CDC14A: variants seen among roughly 807,000 people sequenced by gnomAD.
The protein encoded by CDC14A is cell division cycle 14A.
In CDC14A, 53 loss-of-function variants were observed where a neutral mutation model predicts 74.4. The ratio of observed to expected loss-of-function variants is 0.71; its 90% CI spans 0.57 to 0.89. CDC14A has a LOEUF of 0.89. CDC14A is among the 40% of genes least tolerant of loss of function. CDC14A has a pLI of 0.00. For missense variants in CDC14A, 646 were observed against 713.7 expected, an observed-to-expected ratio of 0.91 and a Z score of 1.08; for synonymous variants, 247 against 258.4, an observed-to-expected ratio of 0.96 and a Z score of 0.43.
rs551102944 is a variant in CDC14A at position 100,475,376 on chromosome 1, C to T, written c.977+7282C>T. Among the ~76,000 whole-genome samples, 4 of 152,310 alleles carry T rather than the reference C, an allele frequency of 2.6e-5. No homozygotes were observed. The South Asian group carries it at 8.3e-4, about 32-fold the overall frequency. ...TTAAATCTTTGTCAAATTATTCTAA[C>T]ATCTCTGTCATCTTGGTGTTGGCAT... On this transcript the variant is annotated intron_variant, in intron 10 of 15. Transcript: ENST00000336454.
intron 2 of CDC14A, among the ~76,000 whole-genome samples, chr1:100,368,677 G>T (rs1284737936): frequency 6.6e-6 from 1 of 152,166 alleles, no homozygotes; most frequent in Non-Finnish European, 1.5e-5. Context: ...GGGTATAAAT[G>T]ATCCTGTCAC....
intron 1 of CDC14A, among the ~76,000 whole-genome samples, chr1:100,347,037 T>C (rs999681785): frequency 3.3e-5 from 5 of 152,238 alleles, no homozygotes. Context: ...ATTCGGAGAT[T>C]ATTTCAATAT....
intron 7 of CDC14A, among the ~76,000 whole-genome samples, chr1:100,450,646 G>C (rs989974189): frequency 9.9e-5 from 15 of 152,162 alleles, no homozygotes; most frequent in Non-Finnish European, 4.4e-5. Context: ...CACCGCAACT[G>C]CAAAAGTGAG....
chr1:100,478,412 G>A (rs984325233), intron 10 of CDC14A, among the ~76,000 whole-genome samples: 4 of 152,050 alleles, frequency 2.6e-5, no homozygotes, highest in African/African-American at 9.7e-5. Flanking sequence ...AGATCTATCT[G>A]TGACAGATAA....
chr1:100,459,120 CACACACAGAGAG>C (rs1376425979), intron 8 of CDC14A, among the ~76,000 whole-genome samples: 1 of 148,604 alleles, frequency 6.7e-6, no homozygotes, highest in Non-Finnish European at 1.5e-5. Flanking sequence ...CACACACACA[CACACACAGAGAG>C]AGAGAGAGAG....
chr1:100,484,393 A>G lies in CDC14A; in HGVS notation c.1079A>G (p.Asp360Gly), dbSNP rs200115410. ...GSINKILSGL[D>G]DMSIGGNLSK... ...ATTAATAAAATTCTTTCTGGCCTAG[A>G]TGATATGTCTATTGGTGGAAATCTT... Residue 360 changes from aspartate to glycine, a missense_variant, in exon 11 of 16, where the codon GAT becomes GGT. Transcript: ENST00000336454. 6 of 1,609,928 alleles carry G rather than the reference A, an allele frequency of 3.7e-6. No individual in the cohort carries two copies. In the East Asian group the frequency reaches 6.7e-5, roughly 18 times the overall value.
chr1:100,436,025 G>C (rs563609227), intron 5 of CDC14A, among the ~76,000 whole-genome samples: 6 of 152,282 alleles, frequency 3.9e-5, no homozygotes, highest in African/African-American at 1.4e-4. Flanking sequence ...ATAAAGAGAT[G>C]ACCAATGGTG....
intron 3 of CDC14A, chr1:100,383,349 T>G (rs1557700656): frequency 6.6e-6 from 1 of 152,650 alleles, no homozygotes; most frequent in Non-Finnish European, 1.5e-5. Flanking sequence ...ATGAAATGTA[T>G]TGGGTTTGAA....
chr1:100,451,572 C>G (rs1666146754), intron 7 of CDC14A, among the ~76,000 whole-genome samples: 1 of 152,194 alleles, frequency 6.6e-6, no homozygotes, highest in African/African-American at 2.4e-5. Context: ...ACTGTCAACA[C>G]TGTTTTGTTG....
At chr1:100,360,490 C>T (rs1652607258) in intron 2 of CDC14A, among the ~76,000 whole-genome samples, 1 of 151,900 alleles carries the variant, frequency 6.6e-6, no homozygotes, top group South Asian at 2.1e-4. Context: ...ATTATGGGTG[C>T]ATGCCACCAT....
chr1:100,401,144 C>T (rs1300216702), intron 4 of CDC14A, among the ~76,000 whole-genome samples: 2 of 152,096 alleles, frequency 1.3e-5, no homozygotes, highest in Non-Finnish European at 1.5e-5. Flanking sequence ...AAAGTAATTG[C>T]GGTTTTTGCT....
At chr1:100,358,175 C>T (rs568952460) in intron 2 of CDC14A, among the ~76,000 whole-genome samples, 1 of 152,222 alleles carries the variant, frequency 6.6e-6, no homozygotes, top group South Asian at 2.1e-4. Flanking sequence ...AATAGCTCCA[C>T]AAAAAGGGAG....
intron 5 of CDC14A, among the ~76,000 whole-genome samples, chr1:100,430,759 A>G (rs1663556499): frequency 6.6e-6 from 1 of 152,210 alleles, no homozygotes; most frequent in Non-Finnish European, 1.5e-5. Context: ...TTGTTTAGCA[A>G]TTAACTGTAC....
In CDC14A at chr1:100,484,400, G is replaced by A; in HGVS notation, c.1086G>A (p.Met362Ile). ...AAATTCTTTCTGGCCTAGATGATAT[G>A]TCTATTGGTGGAAATCTTTCAAAAA... ...INKILSGLDD[M>I]SIGGNLSKTQ... The change falls in exon 11 of 16, where the codon ATG (methionine) becomes ATA (isoleucine). Residue 362 changes from methionine to isoleucine, a missense_variant. Physicochemically the swap from Met to Ile is conservative, Grantham distance 10. Coordinates refer to ENST00000336454, the MANE Select transcript of CDC14A (RefSeq NM_003672.4). 3 of 1,608,108 alleles carry A rather than the reference G, an allele frequency of 1.9e-6. No homozygotes were observed. The highest frequency in any genetic ancestry group is 1.7e-6 in the Non-Finnish European group (2 of 1,177,308).
Position 100,442,579 on chromosome 1 carries a change from A to G in CDC14A, c.457-355A>G, listed in dbSNP as rs1472049404. ...TCTCCTAACAAAGAAGTTAATCACTATGATCTATTCTGTCATAGTTAGGTC... is the reference window on the plus strand; with the variant it reads ...TCTCCTAACAAAGAAGTTAATCACTGTGATCTATTCTGTCATAGTTAGGTC... On this transcript the variant is annotated intron_variant, in intron 6 of 15. Transcript: ENST00000336454. Among the ~76,000 whole-genome samples, 3 of 151,744 alleles carry G rather than the reference A, an allele frequency of 2.0e-5. No individual in the cohort carries two copies. In the South Asian group the frequency reaches 6.2e-4, roughly 31 times the overall value.
In CDC14A at chr1:100,414,342, C is replaced by T. The variant is rs761931322; in HGVS notation, c.310-9880C>T. ...CAGAAAACAAAACAAAACAAAAAAC[C>T]GCATATTATCTTTTACAGATAAATG... On this transcript the variant is annotated intron_variant, in intron 4 of 15. Coordinates refer to ENST00000336454, the MANE Select transcript of CDC14A (RefSeq NM_003672.4). Among the ~76,000 whole-genome samples the T allele has an allele frequency of 8.5e-4, 129 of 152,138 alleles. 2 individuals carry two copies. Among genetic ancestry groups the T allele is most frequent in the Middle Eastern group, 3.4e-3 (1 of 294 alleles).
chr1:100,351,846 A>G (rs1469856680), upstream of CDC14A: 2 of 1,491,916 alleles, frequency 1.3e-6, no homozygotes, highest in Non-Finnish European at 1.8e-6. Flanking sequence ...ACTGTGAGCT[A>G]GGAGCTGGTG....
At chr1:100,379,495 T>C (rs1332155251) in intron 3 of CDC14A, among the ~76,000 whole-genome samples, 1 of 152,250 alleles carries the variant, frequency 6.6e-6, no homozygotes, top group Non-Finnish European at 1.5e-5. Flanking sequence ...TGAAGCATAC[T>C]ACATAGAATC....
chr1:100,481,945 T>G (rs1669518153), intron 10 of CDC14A, among the ~76,000 whole-genome samples: 1 of 152,242 alleles, frequency 6.6e-6, no homozygotes. Context: ...GGTTTGCATT[T>G]TCAATAAAAA....
Sources: gnomAD v4.1 joint callset for allele counts (sites outside exome capture counted in the v4.1 genomes callset) on GRCh38, gnomAD v4.1.1 for gene constraint, MANE v1.5 for transcripts, NCBI Gene and HGNC (gene_info 2026-07-23, HGNC 2026-07-21) for gene names.